The following MCC variants were observed in gnomAD, a reference collection of about 807,000 sequenced individuals.
The protein encoded by MCC is MCC regulator of Wnt signaling pathway, also known as colorectal mutant cancer protein.
MCC carries 90 observed loss-of-function variants against 116.2 expected under a neutral mutation model. The observed-to-expected ratio is 0.77, with a 90% CI of 0.65 to 0.92. The LOEUF is 0.92. MCC is among the 40% of genes least tolerant of loss of function. MCC has a pLI of 0.00. For synonymous variants in MCC, 578 were observed against 510.5 expected (o/e 1.13, Z -1.78); for missense variants, 1,516 against 1,312.2 (o/e 1.16, Z -2.40).
At chr5:113,411,246 C>T (rs1769983308) in intron 1 of MCC, among the ~76,000 whole-genome samples, 1 of 152,186 alleles carries the variant, frequency 6.6e-6, no homozygotes, top group Admixed American at 6.5e-5. Context: ...GTTTCAATTT[C>T]TCCATATCCT....
At chr5:113,170,722 T>A (rs2150303257) in intron 3 of MCC, among the ~76,000 whole-genome samples, 1 of 152,306 alleles carries the variant, frequency 6.6e-6, no homozygotes, top group East Asian at 1.9e-4. Context: ...TGCCTCTGTT[T>A]ACAAAATTTG....
At chr5:113,047,855 G>T (rs1752207548) in intron 16 of MCC, among the ~76,000 whole-genome samples, 1 of 151,542 alleles carries the variant, frequency 6.6e-6, no homozygotes, top group African/African-American at 2.4e-5. Flanking sequence ...AAAACACCTG[G>T]GGGCTGATAA....
chr5:113,300,895 G>T (rs571043781), intron 3 of MCC, among the ~76,000 whole-genome samples: 39 of 152,296 alleles, frequency 2.6e-4, no homozygotes, highest in African/African-American at 8.2e-4. Flanking sequence ...TGCAATGAAT[G>T]ATCTGTATCC....
intron 14 of MCC, among the ~76,000 whole-genome samples, 161 bp downstream of exon 14, chr5:113,063,823 C>T (rs774018854): frequency 4.6e-5 from 7 of 152,256 alleles, no homozygotes; most frequent in Non-Finnish European, 8.8e-5. Flanking sequence ...CTGTTCTGAT[C>T]TTCTGACTCC....
chr5:113,059,957 A>G (rs1753103406), intron 14 of MCC, among the ~76,000 whole-genome samples: 1 of 152,160 alleles, frequency 6.6e-6, no homozygotes, highest in African/African-American at 2.4e-5. Flanking sequence ...TGTCCTCAAG[A>G]CAGTCCCCCA....
At chr5:113,145,430 C>T (rs1431338371) in intron 4 of MCC, among the ~76,000 whole-genome samples, 2 of 152,194 alleles carry the variant, frequency 1.3e-5, no homozygotes, top group African/African-American at 4.8e-5. Flanking sequence ...CACTTACACA[C>T]TCAATGAGCT....
At chr5:113,053,117 A>T (rs1001765864) in intron 15 of MCC, among the ~76,000 whole-genome samples, 7 of 152,158 alleles carry the variant, frequency 4.6e-5, no homozygotes, top group African/African-American at 1.7e-4. Context: ...CCAGTAGGGG[A>T]CACCAGCTTT....
intron 1 of MCC, among the ~76,000 whole-genome samples, chr5:113,463,103 G>A (rs1158506829): frequency 1.3e-5 from 2 of 152,192 alleles, no homozygotes; most frequent in Non-Finnish European, 2.9e-5. Flanking sequence ...GTGCACAGGA[G>A]CTAGATAGGG....
At chr5:113,071,338 G>A in intron 11 of MCC, 104 bp from the exon 12 acceptor site, 2 of 1,224,328 alleles carry the variant, frequency 1.6e-6, no homozygotes, top group South Asian at 1.5e-5. Flanking sequence ...TGAGGATGTG[G>A]GCCTGTCAGA....
chr5:113,305,847 C>T (rs951232039), intron 3 of MCC, among the ~76,000 whole-genome samples: 7 of 152,120 alleles, frequency 4.6e-5, no homozygotes, highest in African/African-American at 1.4e-4. Context: ...GCAGCCATCA[C>T]CACTATCTTA....
chr5:113,045,122 A>G (rs1751985299), intron 16 of MCC, among the ~76,000 whole-genome samples: 1 of 152,192 alleles, frequency 6.6e-6, no homozygotes, highest in African/African-American at 2.4e-5. Context: ...CACTTTTTGT[A>G]TATCCATTCC....
intron 1 of MCC, among the ~76,000 whole-genome samples, chr5:113,485,143 A>G (rs1772483404): frequency 6.6e-6 from 1 of 152,162 alleles, no homozygotes; most frequent in African/African-American, 2.4e-5. Flanking sequence ...CTGGGCCAAG[A>G]GAATATTGAA....
chr5:113,034,972 T>C (rs552566002), intron 17 of MCC, among the ~76,000 whole-genome samples: 1 of 152,346 alleles, frequency 6.6e-6, no homozygotes, highest in East Asian at 1.9e-4. Context: ...TTTTATCTTA[T>C]CCTTTTCTCT....
At chr5:113,463,435 T>A (rs1336608528) in intron 1 of MCC, among the ~76,000 whole-genome samples, 1 of 152,056 alleles carries the variant, frequency 6.6e-6, no homozygotes, top group East Asian at 1.9e-4. Flanking sequence ...TGGAAAGAAG[T>A]AGACAGATTT....
chr5:113,179,838 GGCAC>G (rs1761521994), intron 3 of MCC, among the ~76,000 whole-genome samples: 1 of 152,194 alleles, frequency 6.6e-6, no homozygotes, highest in Non-Finnish European at 1.5e-5. Flanking sequence ...CTTAGATACA[GGCAC>G]ACACCTGTGT....
chr5:113,232,622 A>G (rs1763977138), intron 3 of MCC, among the ~76,000 whole-genome samples: 1 of 152,216 alleles, frequency 6.6e-6, no homozygotes, highest in African/African-American at 2.4e-5. Flanking sequence ...CAATGTACCA[A>G]CACTTCAAAA....
At chr5:113,173,055 T>C (rs1761154968) in intron 3 of MCC, among the ~76,000 whole-genome samples, 1 of 152,172 alleles carries the variant, frequency 6.6e-6, no homozygotes, top group African/African-American at 2.4e-5. Flanking sequence ...GATATTAACT[T>C]TTCACCAGAT....
chr5:113,072,180 G>C (rs1754085256), intron 11 of MCC, among the ~76,000 whole-genome samples: 1 of 152,152 alleles, frequency 6.6e-6, no homozygotes, highest in Non-Finnish European at 1.5e-5. Context: ...CAAACAAACT[G>C]CAAGTGACTT....
intron 3 of MCC, among the ~76,000 whole-genome samples, chr5:113,188,018 G>T (rs1192683141): frequency 2.6e-5 from 4 of 152,128 alleles, no homozygotes; most frequent in African/African-American, 9.7e-5. Flanking sequence ...CTAGAAAGGG[G>T]AAAGCAGAAG....
Sources: gnomAD v4.1 joint callset for allele counts (sites outside exome capture counted in the v4.1 genomes callset) on GRCh38, gnomAD v4.1.1 for gene constraint, MANE v1.5 for transcripts, NCBI Gene and HGNC (gene_info 2026-07-23, HGNC 2026-07-21) for gene names.